Variants in BCL9 observed in about 807,000 individuals in gnomAD.
BCL9 encodes the protein BCL9 transcription coactivator.
Under a neutral mutation model 88.5 loss-of-function variants are expected in BCL9, and 25 were observed. The ratio of observed to expected loss-of-function variants is 0.28; its 90% CI spans 0.21 to 0.39. The LOEUF (loss-of-function observed/expected upper bound fraction) is 0.39, where lower values mean the gene tolerates loss of function less well. BCL9 is among the 10% of genes least tolerant of loss of function. The pLI, the probability that BCL9 is intolerant of heterozygous loss-of-function variation, is 1.00. For synonymous variants in BCL9, 711 were observed against 673.3 expected, an observed-to-expected ratio of 1.06 and a Z score of -0.87; for missense variants, 1,817 against 1,877.8, an observed-to-expected ratio of 0.97 and a Z score of 0.60.
chr1:147,566,762 A>G (rs1553196762), intron 1 of BCL9, among the ~76,000 whole-genome samples: 1 of 388 alleles, frequency 2.6e-3, no homozygotes, highest in African/African-American at 0.011. Flanking sequence ...GTCTCAAAAA[A>G]AAAGAAAAAA....
intron 1 of BCL9, among the ~76,000 whole-genome samples, chr1:147,594,261 G>A (rs1326482826): frequency 1.3e-5 from 2 of 152,160 alleles, no homozygotes; most frequent in Admixed American, 6.5e-5. Context: ...CTATTGCAAC[G>A]GTCCCATCTT....
chr1:147,542,133 TGTGTGCCA>T (rs1459031870), intron 1 of BCL9, among the ~76,000 whole-genome samples: 1 of 152,158 alleles, frequency 6.6e-6, no homozygotes, highest in Non-Finnish European at 1.5e-5. Context: ...TCGAGCTTTG[TGTGTGCCA>T]GTGTGCCCGT....
chr1:147,620,286 A>G lies in BCL9; in HGVS notation c.2131A>G (p.Met711Val). The G allele has an allele frequency of 6.2e-7, 1 of 1,614,098 alleles. No individual in the cohort carries two copies. The highest frequency in any genetic ancestry group is 8.5e-7 in the Non-Finnish European group (1 of 1,179,946). Reference sequence around the variant, plus strand: ...CCCTGGTCGGGAACTTGAGTTTGGGATGGTTCCTAGTGGGATGAAGGGAGA... The same window carrying G: ...CCCTGGTCGGGAACTTGAGTTTGGGGTGGTTCCTAGTGGGATGAAGGGAGA... ...MGPGRELEFG[M>V]VPSGMKGDVN... The change falls in exon 8 of 10, where the codon ATG becomes GTG. Residue 711 changes from methionine (M) to valine (V), a missense_variant. Physicochemically the swap from Met to Val is conservative, Grantham distance 21. Coordinates refer to ENST00000234739, the MANE Select transcript of BCL9 (RefSeq NM_004326.4).
Position 147,618,817 on chromosome 1 carries a change from A to G in BCL9, c.662A>G (p.Asn221Ser), listed in dbSNP as rs1553204262. Residue 221 changes from asparagine (N) to serine (S), a missense_variant and splice_region_variant, in exon 8 of 10, where the codon AAC becomes AGC. By Grantham distance (46) the Asn-to-Ser change is conservative (BLOSUM62 1). This residue lies in a region of BCL9 where 1,228 missense variants were observed against 1,191.6 expected (regional missense o/e 1.03). Transcript: ENST00000234739. ...TTTAAACTATTTGTTTGTCTTCAGA[A>G]CACACAGATATCTGCCCTTCGGAAT... The part of the protein sequence containing the change: ...NKTERSTAPL[N>S]TQISALRNDP... 6.5e-7 allele frequency: 1 copy of G among 1,533,560 alleles called. No homozygotes were observed. Among genetic ancestry groups the G allele is most frequent in the African/African-American group, 1.4e-5 (1 of 72,082 alleles). 95.0% of individuals were successfully genotyped at this position (1,533,560 alleles called of 1,614,324 possible).
intron 6 of BCL9, among the ~76,000 whole-genome samples, chr1:147,615,316 T>A (rs994283480): frequency 2.0e-5 from 3 of 152,216 alleles, no homozygotes; most frequent in Non-Finnish European, 4.4e-5. Context: ...GTAAACATTT[T>A]TATATATAAA....
chr1:147,621,284 G>A (rs1658626288), intron 8 of BCL9, among the ~76,000 whole-genome samples: 1 of 152,162 alleles, frequency 6.6e-6, no homozygotes, highest in South Asian at 2.1e-4. Context: ...AAAAGGAAGA[G>A]GGGAAATGGG....
chr1:147,625,152 A>AGGT lies in BCL9; in HGVS notation c.*195_*197dup. On this transcript the variant is annotated 3_prime_UTR_variant, in exon 10 of 10. Transcript: ENST00000234739. Reference sequence around the variant, plus strand: ...AAAACAAATTATTCATTTAATCAACAGGTGTGTTTTTTTTAAGATTTATTT... The same window carrying AGGT: ...AAAACAAATTATTCATTTAATCAACAGGTGGTGTGTTTTTTTTAAGATTTATTT... 2 of 629,132 alleles carry AGGT rather than the reference A, an allele frequency of 3.2e-6. No homozygotes were observed. Among genetic ancestry groups the AGGT allele is most frequent in the African/African-American group, 3.7e-5 (2 of 54,540 alleles). 39.0% of individuals were successfully genotyped at this position (629,132 alleles called of 1,614,324 possible). A position where few individuals can be genotyped will look rare whatever the true frequency, so the allele number is the denominator to read the frequency against.
intron 1 of BCL9, among the ~76,000 whole-genome samples, chr1:147,558,541 C>CT (rs1655222658): frequency 6.6e-6 from 1 of 152,150 alleles, no homozygotes; most frequent in Admixed American, 6.5e-5. Flanking sequence ...ACCACACACG[C>CT]TCTGTGGAAG....
intron 1 of BCL9, among the ~76,000 whole-genome samples, chr1:147,548,652 A>G (rs1654730737): frequency 6.6e-6 from 1 of 152,190 alleles, no homozygotes; most frequent in African/African-American, 2.4e-5. Flanking sequence ...GTGAAACAGA[A>G]CAGGCAATCA....
At chr1:147,603,136 C>A (rs999202817) in intron 1 of BCL9, among the ~76,000 whole-genome samples, 3 of 152,208 alleles carry the variant, frequency 2.0e-5, no homozygotes, top group Non-Finnish European at 4.4e-5. Context: ...TACTAACAGA[C>A]CAAATTCAGC....
intron 7 of BCL9, among the ~76,000 whole-genome samples, chr1:147,616,342 G>T (rs116343773): frequency 2.6e-5 from 4 of 152,296 alleles, no homozygotes; most frequent in African/African-American, 9.6e-5. Flanking sequence ...TCGACTTTCA[G>T]AGTGATTCAT....
intron 7 of BCL9, among the ~76,000 whole-genome samples, 156 bp from the exon 8 acceptor site, chr1:147,618,660 C>T (rs942620503): frequency 6.6e-6 from 1 of 151,738 alleles, no homozygotes; most frequent in Non-Finnish European, 1.5e-5. Flanking sequence ...CAAAATGTCT[C>T]CATGCCCAAA....
At position 147,619,241 on chromosome 1, in the gene BCL9, C is replaced by T. The variant is rs199786884; in HGVS notation, c.1086C>T (p.Ser362=). ...AGCAGCTGGAGCACCGGGAGCGCTC[C>T]TTACAAACTCTCAGAGATATCCAGC... ...SQEQLEHRER[S]LQTLRDIQRM... The change falls in exon 8 of 10, where the codon TCC becomes TCT. Residue 362 remains serine, a synonymous_variant. Transcript: ENST00000234739. The surrounding 1 kb of genome is among the most constrained non-coding windows in gnomAD (Gnocchi z 4.1). 106 of 1,614,186 alleles carry T rather than the reference C, an allele frequency of 6.6e-5. No homozygotes were observed. Among genetic ancestry groups the T allele is most frequent in the Middle Eastern group, 1.6e-4 (1 of 6,062 alleles).
At chr1:147,587,867 C>T (rs1344782397) in intron 1 of BCL9, among the ~76,000 whole-genome samples, 1 of 151,682 alleles carries the variant, frequency 6.6e-6, no homozygotes, top group African/African-American at 2.4e-5. Flanking sequence ...TCATGGGCCC[C>T]CATGAGCAGT....
intron 1 of BCL9, among the ~76,000 whole-genome samples, chr1:147,576,692 G>A (rs782401471): frequency 1.6e-4 from 25 of 152,008 alleles, no homozygotes; most frequent in Admixed American, 1.1e-3. Flanking sequence ...TCTGTGTGGC[G>A]ATTTATCTCA....
intron 1 of BCL9, among the ~76,000 whole-genome samples, chr1:147,599,583 C>A (rs913775552): frequency 1.3e-5 from 2 of 151,826 alleles, no homozygotes; most frequent in Non-Finnish European, 2.9e-5. Flanking sequence ...GAAGAGGAGA[C>A]CCTCCCGTGC....
chr1:147,615,771 T>G (rs1658244596), intron 6 of BCL9, 32 bp from the exon 7 acceptor site: 3 of 1,560,810 alleles, frequency 1.9e-6, no homozygotes, highest in Non-Finnish European at 2.7e-6. Flanking sequence ...AGAAACAAGT[T>G]CTAGTGTGTG....
chr1:147,589,046 T>C (rs1656733340), intron 1 of BCL9, among the ~76,000 whole-genome samples: 1 of 152,200 alleles, frequency 6.6e-6, no homozygotes, highest in Non-Finnish European at 1.5e-5. Flanking sequence ...TAATATTAGC[T>C]GGACATGTTG....
intron 1 of BCL9, among the ~76,000 whole-genome samples, chr1:147,576,757 T>C (rs1656129288): frequency 6.6e-6 from 1 of 152,180 alleles, no homozygotes; most frequent in South Asian, 2.1e-4. Flanking sequence ...AGGGAACTTA[T>C]GTGAGGAAAC....
Sources: gnomAD v4.1 joint callset for allele counts (sites outside exome capture counted in the v4.1 genomes callset) on GRCh38, gnomAD v4.1.1 for gene constraint, gnomAD v4.1.1 regional missense constraint, Gnocchi (gnomAD v3.1) non-coding constraint, MANE v1.5 for transcripts, NCBI Gene and HGNC (gene_info 2026-07-23, HGNC 2026-07-21) for gene names.